ACYP2: variants seen among roughly 807,000 people sequenced by gnomAD.
ACYP2 encodes the protein acylphosphatase-2.
Under a neutral mutation model 11.2 loss-of-function variants are expected in ACYP2, and 12 were observed. That is an observed-to-expected ratio of 1.08 (90% CI 0.69 to 1.74). The LOEUF (loss-of-function observed/expected upper bound fraction) is 1.74, where lower values mean the gene tolerates loss of function less well. ACYP2 is among the 40% of genes most tolerant of loss of function. ACYP2 has a pLI of 0.00. For missense variants in ACYP2, 134 were observed against 101.9 expected, an observed-to-expected ratio of 1.31 and a Z score of -1.35; for synonymous variants, 43 against 32.2, an observed-to-expected ratio of 1.33 and a Z score of -1.13.
At chr2:54,202,404 G>GGTTTTTT in intron 6 of ACYP2, among the ~76,000 whole-genome samples, 1 of 130,298 alleles carries the variant, frequency 7.7e-6, no homozygotes, top group African/African-American at 3.5e-5. Flanking sequence ...ACTGTGCCTG[G>GGTTTTTT]CTTTTTTTTT....
chr2:54,076,289 A>T (rs375382686), intron 4 of ACYP2, among the ~76,000 whole-genome samples: 10 of 152,246 alleles, frequency 6.6e-5, no homozygotes, highest in Non-Finnish European at 1.3e-4. Flanking sequence ...ACTTATCTGC[A>T]TTGTATTTAA....
intron 6 of ACYP2, among the ~76,000 whole-genome samples, chr2:54,287,001 G>C (rs749275525): frequency 1.9e-4 from 29 of 151,944 alleles, no homozygotes; most frequent in Non-Finnish European, 3.8e-4. Flanking sequence ...AATTACCCTG[G>C]TGATTTAAAA....
intron 6 of ACYP2, among the ~76,000 whole-genome samples, chr2:54,204,804 G>T (rs144121807): frequency 6.8e-4 from 104 of 152,288 alleles, no homozygotes; most frequent in African/African-American, 2.5e-3. Context: ...TAGGCCTCCT[G>T]AATCTGTCCT....
intron 4 of ACYP2, among the ~76,000 whole-genome samples, chr2:54,063,503 A>T (rs1233782920): frequency 1.3e-5 from 2 of 152,124 alleles, no homozygotes; most frequent in Non-Finnish European, 2.9e-5. Context: ...GCTGGGTTTG[A>T]CCCAGGAGAG....
At chr2:54,049,077 G>A (rs1016320319) in intron 2 of ACYP2, among the ~76,000 whole-genome samples, 2 of 152,176 alleles carry the variant, frequency 1.3e-5, no homozygotes, top group Non-Finnish European at 2.9e-5. Context: ...CCTGGGAAAC[G>A]TGGTGAAACC....
intron 4 of ACYP2, among the ~76,000 whole-genome samples, chr2:54,131,168 G>A (rs1347083718): frequency 6.6e-6 from 1 of 152,218 alleles, no homozygotes; most frequent in Non-Finnish European, 1.5e-5. Flanking sequence ...TTAACTGTGT[G>A]CCTATTAGAT....
chr2:53,985,861 C>T (rs1451234133), intron 2 of ACYP2, among the ~76,000 whole-genome samples: 2 of 152,114 alleles, frequency 1.3e-5, no homozygotes, highest in Non-Finnish European at 2.9e-5. Context: ...TTGACCAGTG[C>T]TCAGTGGCTC....
chr2:54,067,068 C>T (rs1676788108), intron 4 of ACYP2, among the ~76,000 whole-genome samples: 1 of 152,136 alleles, frequency 6.6e-6, no homozygotes, highest in African/African-American at 2.4e-5. Context: ...TGTCATGTAA[C>T]ATTTATGTGG....
intron 4 of ACYP2, among the ~76,000 whole-genome samples, chr2:54,073,644 G>A (rs185196133): frequency 1.6e-3 from 241 of 152,154 alleles, no homozygotes; most frequent in African/African-American, 5.7e-3. Context: ...TATCTGATAA[G>A]GAACTTATAC....
intron 2 of ACYP2, among the ~76,000 whole-genome samples, chr2:53,988,641 G>A (rs1248197575): frequency 6.6e-6 from 1 of 152,104 alleles, no homozygotes; most frequent in Non-Finnish European, 1.5e-5. Context: ...GCCCAGGCTG[G>A]CATTGAGCTC....
chr2:54,126,255 G>A (rs769749215), intron 4 of ACYP2, among the ~76,000 whole-genome samples: 19 of 152,158 alleles, frequency 1.2e-4, no homozygotes, highest in Non-Finnish European at 2.2e-4. Context: ...TAACAGTTAC[G>A]AGAAGATGAA....
intron 6 of ACYP2, among the ~76,000 whole-genome samples, chr2:54,172,288 A>G (rs1380052336): frequency 6.6e-6 from 1 of 152,188 alleles, no homozygotes. Context: ...ATACACATGT[A>G]TATATATTTG....
At chr2:54,019,041 G>T (rs1179095113) in intron 2 of ACYP2, among the ~76,000 whole-genome samples, 1 of 151,370 alleles carries the variant, frequency 6.6e-6, no homozygotes, top group Non-Finnish European at 1.5e-5. Flanking sequence ...CACCATGCTT[G>T]GCCTATTTTT....
chr2:54,045,670 G>A lies in ACYP2; in HGVS notation c.63-5288G>A, dbSNP rs201453676. Among the ~76,000 whole-genome samples, 5 of 151,946 alleles carry A rather than the reference G, an allele frequency of 3.3e-5. No individual in the cohort carries two copies. In the East Asian group the frequency reaches 9.7e-4, roughly 29 times the overall value. On this transcript the variant is annotated intron_variant, in intron 2 of 6. Transcript: ENST00000607452. ...TCTCTACTAAAAACACAAAAAATTAGCTGGGTGTGGTGGCAGTCGCCTGTA... is the reference window on the plus strand; with the variant it reads ...TCTCTACTAAAAACACAAAAAATTAACTGGGTGTGGTGGCAGTCGCCTGTA...
chr2:54,012,090 G>T (rs910245808), intron 2 of ACYP2, among the ~76,000 whole-genome samples: 2 of 152,108 alleles, frequency 1.3e-5, no homozygotes, highest in Admixed American at 1.3e-4. Context: ...ACAAAAATTA[G>T]CCAGGCGTGG....
At chr2:54,067,707 AC>A (rs1676816338) in intron 4 of ACYP2, among the ~76,000 whole-genome samples, 1 of 152,194 alleles carries the variant, frequency 6.6e-6, no homozygotes, top group Non-Finnish European at 1.5e-5. Context: ...TCTAAAAGTA[AC>A]TTTTTTTTTC....
chr2:54,120,470 C>T (rs557287341), intron 4 of ACYP2, among the ~76,000 whole-genome samples: 2 of 152,264 alleles, frequency 1.3e-5, no homozygotes, highest in African/African-American at 4.8e-5. Flanking sequence ...AATGACACTC[C>T]TAGAAATGCA....
Position 54,035,009 on chromosome 2 carries a change from C to CAAAAAAAAAA in ACYP2, c.63-15935_63-15926dup, listed in dbSNP as rs550142135. Among the ~76,000 whole-genome samples the CAAAAAAAAAA allele has an allele frequency of 2.6e-3, 117 of 44,772 alleles. 5 individuals are homozygous for CAAAAAAAAAA. Among genetic ancestry groups the CAAAAAAAAAA allele is most frequent in the African/African-American group, 3.2e-3 (54 of 16,626 alleles). The allele number at this position is 44,772 out of a possible 152,430, so 29.4% of individuals were successfully genotyped here. A position where few individuals can be genotyped will look rare whatever the true frequency, so the allele number is the denominator to read the frequency against. ...CAGGCGACAGTGCGAGACTACATCT[C>CAAAAAAAAAA]AAAAAAAAAAAAAAAAAAAAAAAGC... On this transcript the variant is annotated intron_variant, in intron 2 of 6. Transcript: ENST00000607452.
At chr2:54,196,413 G>A (rs1684482767) in intron 6 of ACYP2, among the ~76,000 whole-genome samples, 1 of 152,150 alleles carries the variant, frequency 6.6e-6, no homozygotes, top group South Asian at 2.1e-4. Context: ...TTTCCCAAAT[G>A]AGCCATGGAT....
Sources: gnomAD v4.1 joint callset for allele counts (sites outside exome capture counted in the v4.1 genomes callset) on GRCh38, gnomAD v4.1.1 for gene constraint, MANE v1.5 for transcripts, NCBI Gene and HGNC (gene_info 2026-07-23, HGNC 2026-07-21) for gene names.